ATP11C: variants seen among roughly 807,000 people sequenced by gnomAD.
The protein encoded by ATP11C is phospholipid-transporting ATPase IG.
In ATP11C, 36 loss-of-function variants were observed where a neutral mutation model predicts 97.4. That is an observed-to-expected ratio of 0.37 (90% confidence interval 0.28 to 0.49). The LOEUF is 0.49. Among genes scored for constraint, ATP11C ranks in the 20% least tolerant of loss-of-function variants. The pLI, the probability that ATP11C is intolerant of heterozygous loss-of-function variation, is 0.98. For synonymous variants in ATP11C, 275 were observed against 290.9 expected, an observed-to-expected ratio of 0.95 and a Z score of 0.56; for missense variants, 730 against 824.6, an observed-to-expected ratio of 0.89 and a Z score of 1.40.
chrX:139,757,759 T>A, intron 23 of ATP11C, 49 bp downstream of exon 23: 1 of 921,086 alleles, frequency 1.1e-6, no homozygotes, highest in Middle Eastern at 3.2e-4. Flanking sequence ...GGGTAATTTA[T>A]TAACAGCAAA....
At chrX:139,869,765 G>C (rs1390863299) in intron 1 of ATP11C, among the ~76,000 whole-genome samples, 8 of 104,111 alleles carry the variant, frequency 7.7e-5, no homozygotes, top group African/African-American at 2.8e-4. Flanking sequence ...CTGCACTTTA[G>C]CCTGGGCGAC....
intron 1 of ATP11C, among the ~76,000 whole-genome samples, chrX:139,873,567 G>A (rs190431792): frequency 5.5e-5 from 6 of 108,665 alleles, no homozygotes; most frequent in African/African-American, 1.3e-4. Flanking sequence ...AATTAGCCAG[G>A]AGTGGTGGTG....
intron 1 of ATP11C, among the ~76,000 whole-genome samples, chrX:139,834,275 G>A (rs1316937460): frequency 9.0e-6 from 1 of 111,729 alleles, no homozygotes; most frequent in East Asian, 2.8e-4. Context: ...CACTGGAGGA[G>A]CTTATGGAGG....
At position 139,763,963 on chromosome X, in the gene ATP11C, T is replaced by C. The variant is rs142476238; in HGVS notation, c.2392-545A>G. Among the ~76,000 whole-genome samples the C allele has an allele frequency of 1.7e-3, 194 of 112,357 alleles. 4 individuals are homozygous for C. In the East Asian group the frequency reaches 0.045, roughly 26 times the overall value. On this transcript the variant is annotated intron_variant, in intron 20 of 29. Transcript: ENST00000682941. ...GCATATTAGAGGTCAATACATTTCC[T>C]TCTTTTTTCATTGCATCATGTGTTC... is the stretch of plus-strand genomic sequence containing the variant.
intron 1 of ATP11C, 45 bp downstream of exon 1, chrX:139,931,971 G>A: frequency 1.7e-6 from 2 of 1,145,834 alleles, no homozygotes; most frequent in East Asian, 3.3e-5. Context: ...AGGGGCTGGC[G>A]AGCAAGCAAA....
At chrX:139,856,533 T>C (rs969532563) in intron 1 of ATP11C, among the ~76,000 whole-genome samples, 2 of 112,623 alleles carry the variant, frequency 1.8e-5, no homozygotes, top group African/African-American at 6.5e-5. Flanking sequence ...TTTAGTCCAA[T>C]TGGCTATCCC....
chrX:139,931,772 T>C (rs1347444863), intron 1 of ATP11C, among the ~76,000 whole-genome samples: 1 of 110,360 alleles, frequency 9.1e-6, no homozygotes, highest in East Asian at 2.9e-4. Flanking sequence ...CAGGCAGAGT[T>C]TGTAACAGCT....
At chrX:139,761,854 G>A in intron 22 of ATP11C, 107 bp downstream of exon 22, 1 of 538,985 alleles carries the variant, frequency 1.9e-6, no homozygotes. Context: ...TTCAGTATGA[G>A]ATATCAAAAG....
intron 1 of ATP11C, among the ~76,000 whole-genome samples, chrX:139,874,393 T>C (rs751128468): frequency 2.7e-5 from 3 of 109,792 alleles, no homozygotes; most frequent in Admixed American, 9.8e-5. Context: ...TGTGAGATAA[T>C]ACCTGTACAG....
At chrX:139,803,583 A>G (rs1188475643) in intron 6 of ATP11C, among the ~76,000 whole-genome samples, 1 of 109,813 alleles carries the variant, frequency 9.1e-6, no homozygotes, top group African/African-American at 3.3e-5. Flanking sequence ...AATTTACTTT[A>G]AGTCACTTGC....
intron 1 of ATP11C, among the ~76,000 whole-genome samples, chrX:139,840,625 A>T (rs181315504): frequency 7.1e-5 from 8 of 112,291 alleles, no homozygotes. Flanking sequence ...ATACAAGGAC[A>T]ATTGTAAAAG....
intron 1 of ATP11C, among the ~76,000 whole-genome samples, chrX:139,886,199 AAT>A (rs1359172710): frequency 1.8e-5 from 2 of 111,637 alleles, no homozygotes; most frequent in African/African-American, 3.2e-5. Context: ...ACATAAGATC[AAT>A]ATATAGAAAT....
chrX:139,743,731 T>A lies in ATP11C; in HGVS notation c.2965-107A>T, dbSNP rs189980009. The stretch of plus-strand genomic sequence containing the variant: ...TTGAATCCTGTGTGTAAGTGCCAAA[T>A]ATTTTTGTATGAATTGTTTAGGGAA... On this transcript the variant is annotated intron_variant, in intron 25 of 29. Transcript: ENST00000682941. 1.4e-5 allele frequency: 6 copies of A among 433,469 alleles called. No individual in the cohort carries two copies. In the Admixed American group the frequency reaches 2.7e-4, roughly 20 times the overall value. 35.7% of individuals were successfully genotyped at this position (433,469 alleles called of 1,213,427 possible).
At chrX:139,925,004 T>C (rs1305649314) in intron 1 of ATP11C, among the ~76,000 whole-genome samples, 2 of 111,975 alleles carry the variant, frequency 1.8e-5, no homozygotes, top group East Asian at 5.6e-4. Context: ...ATTGGTATAG[T>C]GTTGAATAGT....
At chrX:139,832,272 C>T in intron 1 of ATP11C, 1 of 1,168,764 alleles carries the variant, frequency 8.6e-7, no homozygotes, top group Non-Finnish European at 1.1e-6. Context: ...TTGTACCAAC[C>T]CCTGTGATCC....
chrX:139,833,500 T>G (rs1013596948), intron 1 of ATP11C, among the ~76,000 whole-genome samples: 1 of 110,416 alleles, frequency 9.1e-6, no homozygotes, highest in Non-Finnish European at 1.9e-5. Context: ...TGGTCAAACA[T>G]AGTGAGACCC....
chrX:139,815,598 G>A (rs1161479295), intron 4 of ATP11C, among the ~76,000 whole-genome samples: 1 of 111,976 alleles, frequency 8.9e-6, no homozygotes, highest in African/African-American at 3.2e-5. Flanking sequence ...AAAGTAATCA[G>A]AGAAAGATCT....
intron 28 of ATP11C, 131 bp downstream of exon 28, chrX:139,737,785 T>A: frequency 1.4e-6 from 1 of 696,904 alleles, no homozygotes; most frequent in Admixed American, 2.3e-5. Context: ...AAGAGGAAAT[T>A]AAGTGATGAA....
intron 5 of ATP11C, among the ~76,000 whole-genome samples, chrX:139,809,487 G>A (rs2083121020): frequency 8.9e-6 from 1 of 111,883 alleles, no homozygotes; most frequent in South Asian, 3.7e-4. Context: ...GAGACAAAAA[G>A]TATTAATAGA....
Sources: allele counts gnomAD v4.1 joint callset (sites outside exome capture counted in the v4.1 genomes callset), GRCh38; gene constraint gnomAD v4.1.1; transcripts MANE v1.5; gene names NCBI Gene and HGNC (gene_info 2026-07-23, HGNC 2026-07-21).